Variants in CLASP1 observed in about 807,000 individuals in gnomAD.
CLASP1 encodes CLIP-associating protein 1.
A neutral mutation model predicts 192.3 loss-of-function variants in CLASP1; 38 were observed. The ratio of observed to expected loss-of-function variants is 0.20; its 90% confidence interval spans 0.15 to 0.26. The LOEUF (loss-of-function observed/expected upper bound fraction) is 0.26. CLASP1 is among the 10% of genes least tolerant of loss of function. The pLI, the probability that CLASP1 is intolerant of heterozygous loss-of-function variation, is 1.00. For missense variants in CLASP1, 1,433 were observed against 1,932.5 expected (o/e 0.74, Z 4.85); for synonymous variants, 691 against 712.8 (o/e 0.97, Z 0.49).
At chr2:121,637,565 A>T (rs1237343831) in intron 1 of CLASP1, among the ~76,000 whole-genome samples, 1 of 152,164 alleles carries the variant, frequency 6.6e-6, no homozygotes, top group African/African-American at 2.4e-5. Flanking sequence ...ATTCTTATAT[A>T]TGCTAACATA....
chr2:121,630,945 G>T (rs1350563885), intron 1 of CLASP1, among the ~76,000 whole-genome samples: 1 of 150,956 alleles, frequency 6.6e-6, no homozygotes, highest in African/African-American at 2.4e-5. Flanking sequence ...GGATCACAAG[G>T]TCAGGAGATC....
intron 35 of CLASP1, among the ~76,000 whole-genome samples, chr2:121,366,768 A>C (rs2067489236): frequency 6.6e-6 from 1 of 152,256 alleles, no homozygotes; most frequent in African/African-American, 2.4e-5. Flanking sequence ...TATTTTTTTA[A>C]AAGCACTATC....
At chr2:121,387,769 G>A (rs1324939050) in exon 31 of CLASP1, 2 of 1,613,910 alleles carry the variant, frequency 1.2e-6, no homozygotes, top group Non-Finnish European at 8.5e-7. Flanking sequence ...TCACCACACT[G>A]GTGTTACTGG....
chr2:121,629,778 C>T (rs375408941), intron 1 of CLASP1, among the ~76,000 whole-genome samples: 6 of 151,448 alleles, frequency 4.0e-5, no homozygotes, highest in Non-Finnish European at 7.4e-5. Context: ...GCGACAAGAG[C>T]GAAACTCCAT....
At chr2:121,595,254 T>C (rs945587405) in intron 2 of CLASP1, among the ~76,000 whole-genome samples, 6 of 152,228 alleles carry the variant, frequency 3.9e-5, no homozygotes, top group Non-Finnish European at 8.8e-5. Context: ...CTCGGGCAAG[T>C]TTCTTCAGTG....
intron 1 of CLASP1, among the ~76,000 whole-genome samples, chr2:121,634,576 T>A (rs1264012392): frequency 6.6e-6 from 1 of 152,194 alleles, no homozygotes; most frequent in African/African-American, 2.4e-5. Context: ...CTAAATACTG[T>A]CCCTTTGTCC....
At chr2:121,557,482 G>T (rs763269907) in intron 2 of CLASP1, among the ~76,000 whole-genome samples, 18 of 151,874 alleles carry the variant, frequency 1.2e-4, no homozygotes, top group Non-Finnish European at 2.5e-4. Flanking sequence ...TACCCAGGAG[G>T]CTGAGGCAGG....
intron 2 of CLASP1, among the ~76,000 whole-genome samples, chr2:121,579,067 GA>G (rs1188233632): frequency 6.6e-6 from 1 of 152,102 alleles, no homozygotes; most frequent in Non-Finnish European, 1.5e-5. Context: ...ACAAATCTTT[GA>G]AAATACAGTA....
intron 30 of CLASP1, among the ~76,000 whole-genome samples, chr2:121,394,304 G>T (rs2074909986): frequency 6.6e-6 from 1 of 152,216 alleles, no homozygotes; most frequent in South Asian, 2.1e-4. Flanking sequence ...GCATCAGAGA[G>T]ATTCAAAATG....
At position 121,348,620 on chromosome 2, in the gene CLASP1, G is replaced by A. The variant is rs376030622; in HGVS notation, c.4305C>T (p.Asp1435=). 9 of 1,613,990 alleles carry A rather than the reference G, an allele frequency of 5.6e-6. No individual in the cohort carries two copies. The African/African-American group carries it at 1.2e-4, about 22-fold the overall frequency. The stretch of plus-strand genomic sequence containing the variant: ...TGATGGCAGCAAGGTTGATGGGGTA[G>A]TCGGCCGTCTGGATGATGGGGCAGA... Residue 1435 remains aspartate (D), a synonymous_variant, in exon 38 of 40, where the codon GAC becomes GAT. Transcript: ENST00000263710.
chr2:121,389,832 T>C (rs1273521345), intron 30 of CLASP1, among the ~76,000 whole-genome samples: 1 of 152,202 alleles, frequency 6.6e-6, no homozygotes. Flanking sequence ...ATCCAAGTTC[T>C]AGAAACGGTA....
At chr2:121,462,783 T>A (rs1346963530) in intron 9 of CLASP1, among the ~76,000 whole-genome samples, 178 bp from the exon 10 acceptor site, 2 of 152,176 alleles carry the variant, frequency 1.3e-5, no homozygotes, top group Non-Finnish European at 2.9e-5. Context: ...TGACTTCATA[T>A]CAAGATGAAA....
At chr2:121,629,016 T>C (rs1207448856) in intron 1 of CLASP1, among the ~76,000 whole-genome samples, 1 of 152,076 alleles carries the variant, frequency 6.6e-6, no homozygotes, top group African/African-American at 2.4e-5. Flanking sequence ...TAATCCTAAA[T>C]GTTAACGAAC....
intron 6 of CLASP1, among the ~76,000 whole-genome samples, chr2:121,521,818 G>A (rs768947094): frequency 2.0e-5 from 3 of 152,202 alleles, no homozygotes; most frequent in Non-Finnish European, 2.9e-5. Context: ...AGGTGTCTAA[G>A]TGCAGAGACA....
chr2:121,524,693 G>C (rs972702081), intron 6 of CLASP1, among the ~76,000 whole-genome samples: 3 of 152,272 alleles, frequency 2.0e-5, no homozygotes, highest in East Asian at 1.9e-4. Context: ...CTGGCCTCAA[G>C]TGATCCACCC....
Position 121,476,351 on chromosome 2 carries a change from C to T in CLASP1, c.713-6391G>A, listed in dbSNP as rs936389252. ...TTAACCAGGCTGCATAGGGGAGATA[C>T]CAAGCAACAAGCCACAGACAGATCA... is the stretch of plus-strand genomic sequence containing the variant. On this transcript the variant is annotated intron_variant, in intron 8 of 39. Coordinates refer to ENST00000263710, the Ensembl canonical transcript of CLASP1. Among the ~76,000 whole-genome samples the T allele has an allele frequency of 1.2e-4, 19 of 152,188 alleles. No homozygotes were observed. The South Asian group carries it at 3.5e-3, about 28-fold the overall frequency.
At chr2:121,346,113 A>G (rs553811003) in intron 39 of CLASP1, among the ~76,000 whole-genome samples, 1 of 152,206 alleles carries the variant, frequency 6.6e-6, no homozygotes, top group Non-Finnish European at 1.5e-5. Context: ...CCACTTGCCA[A>G]TTCCTCCTCT....
intron 1 of CLASP1, among the ~76,000 whole-genome samples, chr2:121,608,820 A>T (rs2105937473): frequency 6.6e-6 from 1 of 152,264 alleles, no homozygotes; most frequent in East Asian, 1.9e-4. Flanking sequence ...AATGAAAAAA[A>T]ATTTCATAGC....
intron 1 of CLASP1, among the ~76,000 whole-genome samples, chr2:121,648,770 G>T (rs1269758836): frequency 1.3e-5 from 2 of 152,212 alleles, no homozygotes; most frequent in East Asian, 3.8e-4. Flanking sequence ...GCTTCAGAAA[G>T]AAGCTCTTCG....
Sources: gnomAD v4.1 joint callset for allele counts (sites outside exome capture counted in the v4.1 genomes callset) on GRCh38, gnomAD v4.1.1 for gene constraint, MANE v1.5 for transcripts, NCBI Gene and HGNC (gene_info 2026-07-23, HGNC 2026-07-21) for gene names.